Variants in CRADD observed in about 807,000 individuals in gnomAD.
CRADD encodes CARD and death domain containing adaptor protein.
CRADD carries 9 observed loss-of-function variants against 15.5 expected under a neutral mutation model. The ratio of observed to expected loss-of-function variants is 0.58; its 90% CI spans 0.35 to 1.01. CRADD has a LOEUF of 1.01. Among genes scored for constraint, CRADD ranks in the 50% least tolerant of loss-of-function variants. The pLI, the probability that CRADD is intolerant of heterozygous loss-of-function variation, is 0.02. For missense variants in CRADD, 227 were observed against 250.3 expected (o/e 0.91, Z 0.63); for synonymous variants, 118 against 107.6 (o/e 1.10, Z -0.60).
downstream of CRADD, among the ~76,000 whole-genome samples, chr12:93,855,730 A>G (rs184454640): frequency 6.6e-6 from 1 of 152,238 alleles, no homozygotes; most frequent in Non-Finnish European, 1.5e-5. Context: ...ATTCCATGAG[A>G]TGAAAGGTAT....
chr12:93,844,838 G>T (rs1014105424), intron 2 of CRADD, among the ~76,000 whole-genome samples: 3 of 152,092 alleles, frequency 2.0e-5, no homozygotes, highest in Non-Finnish European at 2.9e-5. Flanking sequence ...GGCAAGGAAG[G>T]GTGCACCCCA....
chr12:93,713,040 G>T (rs1225034063), intron 2 of CRADD, among the ~76,000 whole-genome samples: 1 of 151,996 alleles, frequency 6.6e-6, no homozygotes, highest in Non-Finnish European at 1.5e-5. Flanking sequence ...AATCTTTTTT[G>T]TGTGTGTCTT....
chr12:93,737,789 C>G (rs926680781), intron 2 of CRADD: 1 of 153,142 alleles, frequency 6.5e-6, no homozygotes, highest in Non-Finnish European at 1.5e-5. Flanking sequence ...ATAGCCTTCC[C>G]GGGCCAGGGA....
chr12:93,764,568 T>C (rs889968308), intron 2 of CRADD, among the ~76,000 whole-genome samples: 20 of 152,090 alleles, frequency 1.3e-4, no homozygotes, highest in Non-Finnish European at 2.1e-4. Context: ...TCATGCTCTT[T>C]CTAGGTTTTT....
At chr12:93,783,078 A>T (rs1957229833) in intron 2 of CRADD, among the ~76,000 whole-genome samples, 1 of 152,098 alleles carries the variant, frequency 6.6e-6, no homozygotes, top group African/African-American at 2.4e-5. Context: ...CAATTTGTAT[A>T]GCCTGGGGAG....
intron 2 of CRADD, among the ~76,000 whole-genome samples, chr12:93,707,499 C>T (rs987604772): frequency 6.6e-6 from 1 of 152,048 alleles, no homozygotes; most frequent in Admixed American, 6.6e-5. Context: ...TTAGCTGGGG[C>T]CCAGCATGTG....
At chr12:93,797,029 G>A (rs1957426245) in intron 2 of CRADD, among the ~76,000 whole-genome samples, 1 of 152,196 alleles carries the variant, frequency 6.6e-6, no homozygotes, top group African/African-American at 2.4e-5. Flanking sequence ...ATATTCGGAG[G>A]TGGGGAAAAT....
intron 2 of CRADD, among the ~76,000 whole-genome samples, chr12:93,763,104 A>T (rs1298008080): frequency 6.6e-6 from 1 of 152,240 alleles, no homozygotes; most frequent in Non-Finnish European, 1.5e-5. Context: ...CTGTAAGGTG[A>T]GCCTTTCCCT....
intron 2 of CRADD, among the ~76,000 whole-genome samples, chr12:93,717,918 A>G (rs571470760): frequency 1.1e-4 from 17 of 152,278 alleles, no homozygotes; most frequent in East Asian, 5.8e-4. Flanking sequence ...TTCCAGCACC[A>G]TTTGTTGAAC....
chr12:93,750,379 T>A (rs1358969305), intron 2 of CRADD, among the ~76,000 whole-genome samples: 5 of 152,342 alleles, frequency 3.3e-5, no homozygotes, highest in Middle Eastern at 3.4e-3. Flanking sequence ...CTCATCTGAT[T>A]CTGTAGAGGA....
chr12:93,771,798 G>A (rs1331640499), intron 2 of CRADD, among the ~76,000 whole-genome samples: 1 of 152,200 alleles, frequency 6.6e-6, no homozygotes, highest in Non-Finnish European at 1.5e-5. Context: ...TGACCTCACT[G>A]CTCTTTACCT....
chr12:93,748,888 C>T (rs1046095320), intron 2 of CRADD, among the ~76,000 whole-genome samples: 3 of 152,222 alleles, frequency 2.0e-5, no homozygotes, highest in Non-Finnish European at 4.4e-5. Flanking sequence ...TGCCTTATCC[C>T]ATGGCCAGGG....
At chr12:93,773,020 C>T (rs1349092302) in intron 2 of CRADD, among the ~76,000 whole-genome samples, 1 of 152,172 alleles carries the variant, frequency 6.6e-6, no homozygotes. Context: ...GTTGCCTGTG[C>T]CACTTTGAAG....
chr12:93,701,295 G>GGCACACAC (rs373572709), intron 2 of CRADD, among the ~76,000 whole-genome samples: 2 of 143,352 alleles, frequency 1.4e-5, no homozygotes, highest in African/African-American at 5.2e-5. Flanking sequence ...CTCTCTCTGT[G>GGCACACAC]ACACACACAC....
intron 2 of CRADD, among the ~76,000 whole-genome samples, chr12:93,796,238 A>G (rs984798490): frequency 6.6e-5 from 10 of 152,182 alleles, no homozygotes; most frequent in African/African-American, 2.4e-4. Context: ...CAGTTTTGTA[A>G]TTAACATTCC....
At chr12:93,782,893 G>A (rs1957227720) in intron 2 of CRADD, among the ~76,000 whole-genome samples, 1 of 152,146 alleles carries the variant, frequency 6.6e-6, no homozygotes, top group South Asian at 2.1e-4. Flanking sequence ...TGTGTATAGG[G>A]AAATACGTGA....
At chr12:93,851,742 CCTT>C (rs1350101319), downstream of CRADD, among the ~76,000 whole-genome samples, 5 of 152,292 alleles carry the variant, frequency 3.3e-5, no homozygotes, top group East Asian at 5.8e-4. Context: ...TGTGATCTAT[CCTT>C]CTTAATAATT....
chr12:93,702,410 C>T (rs962212009), intron 2 of CRADD, among the ~76,000 whole-genome samples: 2 of 151,838 alleles, frequency 1.3e-5, no homozygotes, highest in Admixed American at 6.6e-5. Flanking sequence ...ATTAACTGCC[C>T]CACATCCACC....
rs149790347 is a variant in CRADD, at chr12:93,799,572, G to A, written c.299-50398G>A. Reference sequence around the variant, plus strand: ...TGCCGTTTTCTTTTGCAGTGGAAATGTTCCATTGAAAGACATTTTATAGAA... The same window carrying A: ...TGCCGTTTTCTTTTGCAGTGGAAATATTCCATTGAAAGACATTTTATAGAA... On this transcript the variant is annotated intron_variant, in intron 2 of 2. Coordinates refer to ENST00000332896, the MANE Select transcript of CRADD (RefSeq NM_003805.5). 8.5e-4 allele frequency among the ~76,000 whole-genome samples: 130 copies of A among 152,298 alleles called. 2 individuals carry two copies. The highest frequency in any genetic ancestry group is 3.0e-3 in the African/African-American group (124 of 41,558).
Sources: gnomAD v4.1 joint callset for allele counts (sites outside exome capture counted in the v4.1 genomes callset) on GRCh38, gnomAD v4.1.1 for gene constraint, MANE v1.5 for transcripts, NCBI Gene and HGNC (gene_info 2026-07-23, HGNC 2026-07-21) for gene names.